The following RALYL variants were observed in gnomAD, a reference collection of about 807,000 sequenced individuals.
RALYL encodes the protein RALY RNA binding protein like.
In RALYL, 29 loss-of-function variants were observed where a neutral mutation model predicts 35.1. The observed-to-expected ratio is 0.83, with a 90% CI of 0.61 to 1.13. The LOEUF is 1.13. Among genes scored for constraint, RALYL ranks in the 50% most tolerant of loss-of-function variants. The pLI is 0.00. For missense variants in RALYL, 359 were observed against 360.4 expected (o/e 1.00, Z 0.03); for synonymous variants, 120 against 127.6 (o/e 0.94, Z 0.40).
intron 1 of RALYL, among the ~76,000 whole-genome samples, chr8:84,373,360 T>C (rs188582932): frequency 1.5e-3 from 229 of 152,178 alleles, no homozygotes; most frequent in African/African-American, 5.3e-3. Context: ...AGGTTTTACA[T>C]TTAAATCTCC....
At chr8:84,782,043 A>G (rs950591184) in intron 3 of RALYL, among the ~76,000 whole-genome samples, 4 of 151,474 alleles carry the variant, frequency 2.6e-5, no homozygotes, top group Non-Finnish European at 5.9e-5. Flanking sequence ...ACACACACAC[A>G]CACACACACA....
chr8:84,672,439 T>A (rs1833447722), intron 2 of RALYL, among the ~76,000 whole-genome samples: 1 of 152,226 alleles, frequency 6.6e-6, no homozygotes, highest in Non-Finnish European at 1.5e-5. Context: ...TTCCAACCTC[T>A]GCCTGTTACC....
chr8:84,786,523 G>A (rs1005252305), intron 3 of RALYL, among the ~76,000 whole-genome samples: 1 of 151,970 alleles, frequency 6.6e-6, no homozygotes, highest in Non-Finnish European at 1.5e-5. Flanking sequence ...CTGCCATTCT[G>A]ACTGGCATGA....
intron 1 of RALYL, among the ~76,000 whole-genome samples, chr8:84,478,173 A>G (rs913830240): frequency 2.0e-5 from 3 of 152,084 alleles, no homozygotes; most frequent in Non-Finnish European, 4.4e-5. Flanking sequence ...AAAACCCAAC[A>G]ATTTACTTTA....
At chr8:84,908,864 T>C (rs933096482) in intron 8 of RALYL, among the ~76,000 whole-genome samples, 8 of 141,214 alleles carry the variant, frequency 5.7e-5, no homozygotes. Context: ...CCTCCAGCAC[T>C]TTTTTTTTTT....
chr8:84,232,924 G>A (rs78271487), intron 1 of RALYL, among the ~76,000 whole-genome samples: 4 of 152,054 alleles, frequency 2.6e-5, no homozygotes, highest in South Asian at 2.1e-4. Context: ...GAAACCTTTC[G>A]CATACTCAAG....
rs547267749 is a variant in RALYL at position 84,573,167 on chromosome 8, T to A, written c.256+43590T>A. ...TTGTCTTTTAAATAAATTTAAAAAA[T>A]TTTTTATTCATATATTTATAATTTC... is the stretch of plus-strand genomic sequence containing the variant. On this transcript the variant is annotated intron_variant, in intron 2 of 8. Transcript: ENST00000521268. Among the ~76,000 whole-genome samples the A allele has an allele frequency of 5.0e-3, 750 of 151,420 alleles. 6 individuals are homozygous for A. The highest frequency in any genetic ancestry group is 0.014 in the African/African-American group (600 of 41,460).
chr8:84,591,154 A>C (rs1484595908), intron 2 of RALYL, among the ~76,000 whole-genome samples: 1 of 152,158 alleles, frequency 6.6e-6, no homozygotes, highest in Non-Finnish European at 1.5e-5. Flanking sequence ...TAGTATTAAA[A>C]TAACATTTTC....
At chr8:84,764,335 T>C (rs1813388966) in intron 2 of RALYL, among the ~76,000 whole-genome samples, 1 of 152,206 alleles carries the variant, frequency 6.6e-6, no homozygotes, top group Non-Finnish European at 1.5e-5. Context: ...CGGGCATATG[T>C]TGTATGTTCA....
At chr8:84,205,232 A>G (rs1358978299) in intron 1 of RALYL, among the ~76,000 whole-genome samples, 1 of 152,224 alleles carries the variant, frequency 6.6e-6, no homozygotes, top group African/African-American at 2.4e-5. Context: ...ATATGCAATT[A>G]CTGAATATTT....
At chr8:84,836,757 G>T (rs1832106806) in intron 4 of RALYL, among the ~76,000 whole-genome samples, 1 of 152,158 alleles carries the variant, frequency 6.6e-6, no homozygotes. Context: ...TACACCTAAG[G>T]ATACCTCTGA....
At chr8:84,374,938 C>T (rs1563812425) in intron 1 of RALYL, among the ~76,000 whole-genome samples, 3 of 151,796 alleles carry the variant, frequency 2.0e-5, no homozygotes, top group Non-Finnish European at 4.4e-5. Context: ...AATCATTTTG[C>T]TTGTGGTTCT....
chr8:84,634,799 G>T (rs1824685328), intron 2 of RALYL, among the ~76,000 whole-genome samples: 1 of 151,794 alleles, frequency 6.6e-6, no homozygotes, highest in Middle Eastern at 3.4e-3. Context: ...AGGTCAACAC[G>T]CTAAATTGAC....
intron 1 of RALYL, among the ~76,000 whole-genome samples, chr8:84,295,119 G>T (rs982768839): frequency 6.6e-6 from 1 of 152,110 alleles, no homozygotes; most frequent in Admixed American, 6.6e-5. Context: ...ATCTCACAAA[G>T]ATATGACAGT....
At chr8:84,248,462 A>G (rs1829560181) in intron 1 of RALYL, among the ~76,000 whole-genome samples, 1 of 152,158 alleles carries the variant, frequency 6.6e-6, no homozygotes, top group Non-Finnish European at 1.5e-5. Context: ...GAATTCATAC[A>G]TCATTAATGA....
intron 1 of RALYL, among the ~76,000 whole-genome samples, chr8:84,319,283 AAG>A (rs989002504): frequency 5.3e-5 from 8 of 152,146 alleles, no homozygotes; most frequent in Non-Finnish European, 2.9e-5. Flanking sequence ...GTGGTCTAGA[AAG>A]CATTTATTAA....
Position 84,862,338 on chromosome 8 carries a change from A to G in RALYL, c.456A>G (p.Ala152=), listed in dbSNP as rs748075507. ...GGCGTGTGCCTCCACCTCCCCGTGCAGTAATTCCGCTGAAGCGTCCCAGAG... is the reference window on the plus strand; with the variant it reads ...GGCGTGTGCCTCCACCTCCCCGTGCGGTAATTCCGCTGAAGCGTCCCAGAG... ...YHGRVPPPPR[A]VIPLKRPRVA... is the part of the protein sequence containing the mutation. Residue 152 remains alanine (A), a synonymous_variant, in exon 6 of 9, where the codon GCA becomes GCG. Coordinates refer to ENST00000521268, the MANE Select transcript of RALYL (RefSeq NM_173848.7). 9 of 1,602,378 alleles carry G rather than the reference A, an allele frequency of 5.6e-6. No individual in the cohort carries two copies. Among genetic ancestry groups the G allele is most frequent in the Non-Finnish European group, 7.7e-6 (9 of 1,174,994 alleles).
At chr8:84,620,937 G>A (rs1280414152) in intron 2 of RALYL, among the ~76,000 whole-genome samples, 4 of 152,268 alleles carry the variant, frequency 2.6e-5, no homozygotes, top group African/African-American at 4.8e-5. Context: ...CACTTGAGGA[G>A]GCAGTCTGCC....
chr8:84,390,133 C>G (rs1860291821), intron 1 of RALYL, among the ~76,000 whole-genome samples: 1 of 152,018 alleles, frequency 6.6e-6, no homozygotes, highest in Non-Finnish European at 1.5e-5. Context: ...TGTTTATATG[C>G]TGGATTACAT....
Sources: gnomAD v4.1 joint callset for allele counts (sites outside exome capture counted in the v4.1 genomes callset) on GRCh38, gnomAD v4.1.1 for gene constraint, MANE v1.5 for transcripts, NCBI Gene and HGNC (gene_info 2026-07-23, HGNC 2026-07-21) for gene names.